Variants in ETFRF1 observed in about 807,000 individuals in gnomAD.
ETFRF1 encodes the protein electron transfer flavoprotein regulatory factor 1.
A neutral mutation model predicts 9.0 loss-of-function variants in ETFRF1; 12 were observed. The ratio of observed to expected loss-of-function variants is 1.34; its 90% CI spans 0.86 to 2.16. ETFRF1 has a LOEUF of 2.16. Among genes scored for constraint, ETFRF1 ranks in the 30% most tolerant of loss-of-function variants. The probability of loss-of-function intolerance (pLI) is 0.00; values close to 1 mark genes in which losing one functional copy is unlikely to be tolerated. For missense variants in ETFRF1, 98 were observed against 101.8 expected, an observed-to-expected ratio of 0.96 and a Z score of 0.16; for synonymous variants, 34 against 33.2, an observed-to-expected ratio of 1.02 and a Z score of -0.08.
At chr12:25,198,321 G>A (rs1487955982) in intron 1 of ETFRF1, among the ~76,000 whole-genome samples, 1 of 152,122 alleles carries the variant, frequency 6.6e-6, no homozygotes, top group East Asian at 1.9e-4. Context: ...TCAACTCTGA[G>A]GAACTGACCA....
intron 1 of ETFRF1, among the ~76,000 whole-genome samples, chr12:25,198,948 C>T (rs1051230834): frequency 3.9e-5 from 6 of 152,108 alleles, no homozygotes; most frequent in Non-Finnish European, 5.9e-5. Flanking sequence ...GGTAGAGTCA[C>T]CTATCCTACC....
rs550483537 is a variant in ETFRF1 at position 25,200,536 on chromosome 12, T to TA, written c.-37-3383dup. On this transcript the variant is annotated intron_variant, in intron 1 of 2. Coordinates refer to ENST00000381356, the MANE Select transcript of ETFRF1 (RefSeq NM_001001660.3). ...AATACATCACATACAGAGGATCACT[T>TA]ACCAGGACTGCTTTGAACTTAATAG... is the stretch of plus-strand genomic sequence containing the variant. Among the ~76,000 whole-genome samples, 648 of 152,280 alleles carry TA rather than the reference T, an allele frequency of 4.3e-3. 7 individuals carry two copies. The highest frequency in any genetic ancestry group is 0.015 in the African/African-American group (606 of 41,536).
Position 25,204,264 on chromosome 12 carries a change from C to T in ETFRF1, c.225C>T (p.Tyr75=). 1 of 1,599,692 alleles carries T rather than the reference C, an allele frequency of 6.3e-7. No individual in the cohort carries two copies. ...ELEALYFLRK[Y]RAMKQRYYSD... ...AAGCTTTGTACTTCCTTAGGAAATA[C>T]AGAGCTATGAAACAACGCTATTATT... The change falls in exon 3 of 3, where the codon TAC becomes TAT. Residue 75 remains tyrosine, a synonymous_variant. Coordinates refer to ENST00000381356, the MANE Select transcript of ETFRF1 (RefSeq NM_001001660.3).
At chr12:25,197,876 C>A (rs1216558059) in intron 1 of ETFRF1, among the ~76,000 whole-genome samples, 1 of 152,036 alleles carries the variant, frequency 6.6e-6, no homozygotes, top group Admixed American at 6.5e-5. Context: ...GGGTTAAATA[C>A]CCTCATCTAA....
chr12:25,196,047 CT>C (rs1016674462), intron 1 of ETFRF1: 1 of 152,214 alleles, frequency 6.6e-6, no homozygotes. Context: ...TTTCTCATCT[CT>C]GAATTATAAG....
rs1951067751 is a variant in ETFRF1 at position 25,200,723 on chromosome 12, G to T, written c.-37-3197G>T. On this transcript the variant is annotated intron_variant, in intron 1 of 2. Coordinates refer to ENST00000381356, the MANE Select transcript of ETFRF1 (RefSeq NM_001001660.3). ...TTTACCTTCCATGTACCCTTTTCAA[G>T]AAGTTAGGATGTGCTCCACAGAAAC... Among the ~76,000 whole-genome samples, 11 of 152,320 alleles carry T rather than the reference G, an allele frequency of 7.2e-5. No individual in the cohort carries two copies. In the South Asian group the frequency reaches 2.3e-3, roughly 32 times the overall value.
intron 1 of ETFRF1, among the ~76,000 whole-genome samples, chr12:25,201,592 TTTTAC>T (rs146494865): frequency 0.02 from 3,089 of 152,290 alleles, 82 homozygotes; most frequent in African/African-American, 0.07. Context: ...CAGATGTATA[TTTTAC>T]TTTAATTTGT....
intron 1 of ETFRF1, among the ~76,000 whole-genome samples, chr12:25,199,612 G>T (rs1951057993): frequency 9.9e-6 from 1 of 101,344 alleles, no homozygotes. Context: ...ATACATATAT[G>T]TATACATACA....
rs1232478395 is a variant in ETFRF1 at position 25,205,022 on chromosome 12, T to G, written c.*710T>G. 9.5e-6 allele frequency: 2 copies of G among 210,034 alleles called. No homozygotes were observed. Among genetic ancestry groups the G allele is most frequent in the African/African-American group, 2.3e-5 (1 of 44,044 alleles). The allele number at this position is 210,034 out of a possible 1,614,324, so 13.0% of individuals were successfully genotyped here. A position where few individuals can be genotyped will look rare whatever the true frequency, so the allele number is the denominator to read the frequency against. On this transcript the variant is annotated 3_prime_UTR_variant, in exon 3 of 3. Transcript: ENST00000381356. ...AATAAATAATGTTATCCTATTTTTT[T>G]GTCATAAAGGCAGATTTGTTTTGCA...
rs954721315 is a variant in ETFRF1 at position 25,204,403 on chromosome 12, ATGT to A, written c.*95_*97del. 2.7e-6 allele frequency: 3 copies of A among 1,092,360 alleles called. No individual in the cohort carries two copies. The highest frequency in any genetic ancestry group is 3.7e-6 in the Non-Finnish European group (3 of 802,760). The allele number at this position is 1,092,360 out of a possible 1,614,324, so 67.7% of individuals were successfully genotyped here. A position where few individuals can be genotyped will look rare whatever the true frequency, so the allele number is the denominator to read the frequency against. ...TCTAACTTAAAATGGGAAGATATACATGTTGTGTAAAAAATCCCTGAGCTGCCC... is the reference window on the plus strand; with the variant it reads ...TCTAACTTAAAATGGGAAGATATACATGTGTAAAAAATCCCTGAGCTGCCC... On this transcript the variant is annotated 3_prime_UTR_variant, in exon 3 of 3. Coordinates refer to ENST00000381356, the MANE Select transcript of ETFRF1 (RefSeq NM_001001660.3).
At chr12:25,202,756 C>T (rs1349441407) in intron 1 of ETFRF1, among the ~76,000 whole-genome samples, 1 of 152,078 alleles carries the variant, frequency 6.6e-6, no homozygotes, top group Non-Finnish European at 1.5e-5. Flanking sequence ...AAGTGGGAAC[C>T]AGACTTCTCA....
At chr12:25,198,176 T>C (rs1951045751) in intron 1 of ETFRF1, among the ~76,000 whole-genome samples, 1 of 152,144 alleles carries the variant, frequency 6.6e-6, no homozygotes, top group African/African-American at 2.4e-5. Context: ...CTGGACAAAG[T>C]AATACTAGTC....
At chr12:25,198,297 G>A (rs1236967328) in intron 1 of ETFRF1, among the ~76,000 whole-genome samples, 3 of 152,080 alleles carry the variant, frequency 2.0e-5, no homozygotes, top group Non-Finnish European at 2.9e-5. Flanking sequence ...CTTATCCTTA[G>A]AAGACTGGAA....
intron 1 of ETFRF1, among the ~76,000 whole-genome samples, chr12:25,198,507 G>A (rs1312173685): frequency 2.0e-5 from 3 of 152,206 alleles, no homozygotes; most frequent in African/African-American, 7.2e-5. Context: ...GACTTTGGAA[G>A]AAAGCTCAGA....
At chr12:25,199,615 T>TACACACACACACACACACAC (rs769056865) in intron 1 of ETFRF1, among the ~76,000 whole-genome samples, 28 of 111,290 alleles carry the variant, frequency 2.5e-4, no homozygotes, top group Middle Eastern at 4.8e-3. Flanking sequence ...CATATATGTA[T>TACACACACACACACACACAC]ACATACACAC....
chr12:25,199,615 T>A (rs1260982054), intron 1 of ETFRF1, among the ~76,000 whole-genome samples: 2 of 111,234 alleles, frequency 1.8e-5, no homozygotes, highest in Non-Finnish European at 3.9e-5. Flanking sequence ...CATATATGTA[T>A]ACATACACAC....
At chr12:25,199,248 GGAATTAC>G (rs560574560) in intron 1 of ETFRF1, among the ~76,000 whole-genome samples, 64 of 148,194 alleles carry the variant, frequency 4.3e-4, no homozygotes, top group African/African-American at 1.5e-3. Context: ...AAAAATAAAA[GGAATTAC>G]TATGTACTAT....
rs1165207642 is a variant in ETFRF1, at chr12:25,204,057, ATTGTTTAGAAATATATAATC to A, written c.52-31_52-12del. ...ATAAAAATGTTATTATATGACATGG[ATTGTTTAGAAATATATAATC>A]TTTCTTTTTGAAGCTGCTGTATCTT... On this transcript the variant is annotated splice_polypyrimidine_tract_variant and intron_variant, in intron 2 of 2. Coordinates refer to ENST00000381356, the MANE Select transcript of ETFRF1 (RefSeq NM_001001660.3). 13 of 1,546,236 alleles carry A rather than the reference ATTGTTTAGAAATATATAATC, an allele frequency of 8.4e-6. No homozygotes were observed. Among genetic ancestry groups the A allele is most frequent in the Non-Finnish European group, 1.0e-5 (12 of 1,143,634 alleles).
At chr12:25,202,752 G>A (rs1260975382) in intron 1 of ETFRF1, among the ~76,000 whole-genome samples, 2 of 152,090 alleles carry the variant, frequency 1.3e-5, no homozygotes, top group Admixed American at 6.6e-5. Flanking sequence ...GGACAAGTGG[G>A]AACCAGACTT....
Sources: gnomAD v4.1 joint callset for allele counts (sites outside exome capture counted in the v4.1 genomes callset) on GRCh38, gnomAD v4.1.1 for gene constraint, MANE v1.5 for transcripts, NCBI Gene and HGNC (gene_info 2026-07-23, HGNC 2026-07-21) for gene names.